The following SNX29 variants were observed in gnomAD, a reference collection of about 807,000 sequenced individuals.
SNX29 encodes the protein sorting nexin-29.
A neutral mutation model predicts 102.1 loss-of-function variants in SNX29; 78 were observed. The ratio of observed to expected loss-of-function variants is 0.76; its 90% CI spans 0.64 to 0.92. The LOEUF (loss-of-function observed/expected upper bound fraction) is 0.92, where lower values mean the gene tolerates loss of function less well. SNX29 is among the 40% of genes least tolerant of loss of function. SNX29 has a pLI of 0.00. For synonymous variants in SNX29, 580 were observed against 414.5 expected, an observed-to-expected ratio of 1.40 and a Z score of -4.85; for missense variants, 1,280 against 1,061.7, an observed-to-expected ratio of 1.21 and a Z score of -2.86.
At chr16:12,353,373 C>G (rs1378751306) in intron 15 of SNX29, among the ~76,000 whole-genome samples, 5 of 152,228 alleles carry the variant, frequency 3.3e-5, no homozygotes, top group African/African-American at 9.6e-5. Flanking sequence ...CAGCTCTCAT[C>G]CACTGGGAAC....
chr16:12,001,551 TAC>T (rs1262588847), intron 2 of SNX29, among the ~76,000 whole-genome samples: 2 of 152,158 alleles, frequency 1.3e-5, no homozygotes, highest in African/African-American at 4.8e-5. Context: ...CATTTAAGTG[TAC>T]AGTTTCATGT....
At chr16:12,543,206 G>C (rs775072041) in intron 20 of SNX29, among the ~76,000 whole-genome samples, 8 of 152,174 alleles carry the variant, frequency 5.3e-5, no homozygotes, top group African/African-American at 1.9e-4. Flanking sequence ...TATTCATCAC[G>C]TTGCTCCTGA....
At position 12,510,879 on chromosome 16, in the gene SNX29, A is replaced by G. The variant is rs1197246630; in HGVS notation, c.2179-13823A>G. ...GCTGAGGGCCCATCCAGCCTGTGCC[A>G]AGCACCGTGGAGGGTAGAAGGAGTC... On this transcript the variant is annotated intron_variant, in intron 19 of 20. Transcript: ENST00000566228. Among the ~76,000 whole-genome samples, 14 of 152,064 alleles carry G rather than the reference A, an allele frequency of 9.2e-5. No individual in the cohort carries two copies. In the East Asian group the frequency reaches 2.7e-3, roughly 30 times the overall value.
At chr16:12,513,099 C>T (rs1296854959) in intron 19 of SNX29, among the ~76,000 whole-genome samples, 1 of 151,552 alleles carries the variant, frequency 6.6e-6, no homozygotes, top group Non-Finnish European at 1.5e-5. Context: ...CTGCGTACCC[C>T]TTCCTCAGTT....
chr16:12,301,743 A>G (rs2080180268), intron 15 of SNX29, among the ~76,000 whole-genome samples: 1 of 152,174 alleles, frequency 6.6e-6, no homozygotes, highest in African/African-American at 2.4e-5. Context: ...TGAGATAGGC[A>G]CTAAAAGACT....
At chr16:12,520,629 G>A (rs553946015) in intron 19 of SNX29, among the ~76,000 whole-genome samples, 29 of 152,272 alleles carry the variant, frequency 1.9e-4, no homozygotes, top group Admixed American at 8.5e-4. Flanking sequence ...AAAAAGGAAC[G>A]AAATCATGTC....
rs1296486783 is a variant in SNX29, at chr16:12,470,022, A to AAAAT, written c.2038-7680_2038-7677dup. On this transcript the variant is annotated intron_variant, in intron 18 of 20. Transcript: ENST00000566228. ...GGGCAAAACTCCGTCTCAAAAAAAT[A>AAAAT]AAATAAATAAATAAATAAATCGCAG... 9.8e-5 allele frequency among the ~76,000 whole-genome samples: 15 copies of AAAAT among 152,308 alleles called. No individual in the cohort carries two copies. The South Asian group carries it at 2.9e-3, about 29-fold the overall frequency.
chr16:12,092,069 G>A (rs1270249319), intron 11 of SNX29, among the ~76,000 whole-genome samples: 1 of 152,170 alleles, frequency 6.6e-6, no homozygotes, highest in Non-Finnish European at 1.5e-5. Context: ...CGCAGCACAG[G>A]CAATCTCATC....
At chr16:12,414,267 A>G (rs1020042855) in intron 18 of SNX29, among the ~76,000 whole-genome samples, 2 of 152,206 alleles carry the variant, frequency 1.3e-5, no homozygotes, top group Admixed American at 1.3e-4. Context: ...ACAGCTACTC[A>G]GCAGACTGAG....
At chr16:12,404,647 A>G (rs2084091507) in intron 18 of SNX29, among the ~76,000 whole-genome samples, 1 of 152,202 alleles carries the variant, frequency 6.6e-6, no homozygotes, top group Non-Finnish European at 1.5e-5. Context: ...TTGTCTATTA[A>G]GATATTTTTC....
chr16:12,479,720 C>T (rs1425892035), intron 19 of SNX29, among the ~76,000 whole-genome samples: 2 of 152,206 alleles, frequency 1.3e-5, no homozygotes, highest in Non-Finnish European at 2.9e-5. Flanking sequence ...TGTCACAAAA[C>T]AACATGCTGC....
intron 16 of SNX29, chr16:12,372,555 G>C (rs556318344): frequency 1.3e-5 from 2 of 152,234 alleles, no homozygotes; most frequent in African/African-American, 4.8e-5. Context: ...TTCATGAGGG[G>C]GTGGTAGATG....
intron 20 of SNX29, among the ~76,000 whole-genome samples, chr16:12,552,293 G>C (rs534372442): frequency 8.5e-5 from 13 of 152,154 alleles, no homozygotes; most frequent in African/African-American, 2.2e-4. Flanking sequence ...CTGTGCCTCA[G>C]TTTCCTCTTC....
chr16:12,163,133 T>C (rs2055861030), intron 13 of SNX29, among the ~76,000 whole-genome samples: 1 of 152,156 alleles, frequency 6.6e-6, no homozygotes, highest in Admixed American at 6.5e-5. Context: ...ACGCCCACCT[T>C]GGCCTCCCAA....
rs548789186 is a variant in SNX29 at position 12,547,201 on chromosome 16, C to T, written c.2319-21305C>T. Among the ~76,000 whole-genome samples the T allele has an allele frequency of 2.0e-5, 3 of 152,302 alleles. No individual in the cohort carries two copies. The South Asian group carries it at 6.2e-4, about 32-fold the overall frequency. On this transcript the variant is annotated intron_variant, in intron 20 of 20. Coordinates refer to ENST00000566228, the MANE Select transcript of SNX29 (RefSeq NM_032167.5). ...TAGGAAGATGACAGGGATAGTTTGACCCGAAGTGGAGACCTGAGGCAGGGA... is the reference window on the plus strand; with the variant it reads ...TAGGAAGATGACAGGGATAGTTTGATCCGAAGTGGAGACCTGAGGCAGGGA...
intron 17 of SNX29, among the ~76,000 whole-genome samples, chr16:12,399,960 CATT>C (rs2083877346): frequency 6.6e-6 from 1 of 152,100 alleles, no homozygotes; most frequent in African/African-American, 2.4e-5. Context: ...TGGAAGCACT[CATT>C]ATTAAAGCAA....
chr16:12,378,707 C>G (rs1413608493), intron 16 of SNX29, among the ~76,000 whole-genome samples: 1 of 152,152 alleles, frequency 6.6e-6, no homozygotes, highest in East Asian at 1.9e-4. Flanking sequence ...CCAACCATAG[C>G]AGCAAGTGTC....
intron 15 of SNX29, 94 bp downstream of exon 15, chr16:12,278,130 G>A: frequency 9.3e-7 from 1 of 1,075,098 alleles, no homozygotes; most frequent in Non-Finnish European, 1.4e-6. Context: ...AGACACGTGA[G>A]CAAAACGACC....
intron 10 of SNX29, among the ~76,000 whole-genome samples, chr16:12,076,545 G>A (rs780320562): frequency 2.3e-4 from 35 of 152,048 alleles, no homozygotes; most frequent in Admixed American, 7.2e-4. Context: ...CATGTGATCC[G>A]CCTGCCTTGG....
Sources: allele counts gnomAD v4.1 joint callset (sites outside exome capture counted in the v4.1 genomes callset), GRCh38; gene constraint gnomAD v4.1.1; transcripts MANE v1.5; gene names NCBI Gene and HGNC (gene_info 2026-07-23, HGNC 2026-07-21).